Variants in CADM1 observed in about 807,000 individuals in gnomAD.
The protein encoded by CADM1 is cell adhesion molecule 1.
CADM1 carries 15 observed loss-of-function variants against 53.1 expected under a neutral mutation model. That is an observed-to-expected ratio of 0.28 (90% confidence interval 0.19 to 0.44). The LOEUF (loss-of-function observed/expected upper bound fraction) is 0.44. Among genes scored for constraint, CADM1 ranks in the 20% least tolerant of loss-of-function variants. The probability of loss-of-function intolerance (pLI) is 1.00; values close to 1 mark genes in which losing one functional copy is unlikely to be tolerated. For missense variants in CADM1, 434 were observed against 611.3 expected (o/e 0.71, Z 3.06); for synonymous variants, 281 against 243.0 (o/e 1.16, Z -1.45).
intron 1 of CADM1, among the ~76,000 whole-genome samples, chr11:115,284,459 G>A (rs1806423506): frequency 1.3e-5 from 2 of 150,956 alleles, no homozygotes; most frequent in South Asian, 4.2e-4. Context: ...CAGTTTCACT[G>A]CTCTACTTTA....
At chr11:115,501,047 T>G (rs2135446543) in intron 1 of CADM1, among the ~76,000 whole-genome samples, 1 of 152,356 alleles carries the variant, frequency 6.6e-6, no homozygotes, top group East Asian at 1.9e-4. Flanking sequence ...GAGAACTGCC[T>G]GCTCTTTTAT....
intron 1 of CADM1, among the ~76,000 whole-genome samples, chr11:115,457,302 C>G (rs961811356): frequency 6.6e-6 from 1 of 152,084 alleles, no homozygotes; most frequent in African/African-American, 2.4e-5. Context: ...CTCGATAAGT[C>G]GAATCTGGTA....
intron 1 of CADM1, among the ~76,000 whole-genome samples, chr11:115,441,411 T>C: frequency 6.6e-6 from 1 of 152,220 alleles, no homozygotes. Context: ...ACCAGAATGC[T>C]GTTTCACCTC....
At chr11:115,444,542 T>C (rs1948405299) in intron 1 of CADM1, among the ~76,000 whole-genome samples, 1 of 151,778 alleles carries the variant, frequency 6.6e-6, no homozygotes, top group Non-Finnish European at 1.5e-5. Flanking sequence ...AAAATAATGT[T>C]GTTACTAAAC....
chr11:115,466,645 A>T (rs1298668582), intron 1 of CADM1, among the ~76,000 whole-genome samples: 1 of 152,202 alleles, frequency 6.6e-6, no homozygotes, highest in African/African-American at 2.4e-5. Context: ...TGTGAGATCA[A>T]ATTTGGACGA....
At chr11:115,243,175 C>G (rs1199415044) in intron 1 of CADM1, among the ~76,000 whole-genome samples, 1 of 152,218 alleles carries the variant, frequency 6.6e-6, no homozygotes, top group African/African-American at 2.4e-5. Flanking sequence ...ATTTTTCCAT[C>G]TGCAAATGTT....
chr11:115,440,287 AC>A (rs1948280396), intron 1 of CADM1, among the ~76,000 whole-genome samples: 1 of 152,152 alleles, frequency 6.6e-6, no homozygotes, highest in African/African-American at 2.4e-5. Flanking sequence ...CTTACTTACC[AC>A]ACGTGATAAA....
At chr11:115,274,513 T>C (rs900798734) in intron 1 of CADM1, among the ~76,000 whole-genome samples, 15 of 152,226 alleles carry the variant, frequency 9.9e-5, no homozygotes, top group African/African-American at 3.4e-4. Context: ...ATCTTGACAA[T>C]GGTCCAGGGT....
In CADM1 at chr11:115,242,005, A is replaced by G. The variant is rs192061581; in HGVS notation, c.125-1585T>C. Among the ~76,000 whole-genome samples the G allele has an allele frequency of 2.5e-4, 37 of 150,630 alleles. No individual in the cohort carries two copies. In the East Asian group the frequency reaches 5.8e-3, roughly 24 times the overall value. On this transcript the variant is annotated intron_variant, in intron 1 of 11. Transcript: ENST00000331581. ...TTTTCCTTTGCTAGGACACACTGGG[A>G]AAGTGTGAGAGGGGTGGCTAAGATG...
At chr11:115,336,903 G>A (rs1184068483) in intron 1 of CADM1, among the ~76,000 whole-genome samples, 1 of 152,102 alleles carries the variant, frequency 6.6e-6, no homozygotes, top group Non-Finnish European at 1.5e-5. Context: ...ATTAGTAACC[G>A]TTAAGTAAGT....
rs1414114895 is a variant in CADM1 at position 115,176,297 on chromosome 11, T to C, written c.*177A>G. The stretch of plus-strand genomic sequence containing the variant: ...AAAAGAGGTGTCAAACAGCAGAGTG[T>C]ACTTTCCAAAGAACATTTTTTTTTT... On this transcript the variant is annotated 3_prime_UTR_variant, in exon 12 of 12. Transcript: ENST00000331581. The C allele has an allele frequency of 3.0e-5, 44 of 1,463,776 alleles. No homozygotes were observed. The highest frequency in any genetic ancestry group is 3.8e-5 in the Non-Finnish European group (42 of 1,106,120). 90.7% of individuals were successfully genotyped at this position (1,463,776 alleles called of 1,614,324 possible).
intron 8 of CADM1, among the ~76,000 whole-genome samples, chr11:115,203,288 T>C (rs905320555): frequency 6.6e-6 from 1 of 152,172 alleles, no homozygotes; most frequent in Admixed American, 6.5e-5. Context: ...GTGGTTTCAT[T>C]TAACAAGAAA....
At chr11:115,360,311 T>A (rs1337780925) in intron 1 of CADM1, among the ~76,000 whole-genome samples, 1 of 152,176 alleles carries the variant, frequency 6.6e-6, no homozygotes, top group Non-Finnish European at 1.5e-5. Flanking sequence ...TGAAATTAAA[T>A]TATATTGCTG....
intron 1 of CADM1, among the ~76,000 whole-genome samples, chr11:115,452,484 G>A (rs190591017): frequency 1.3e-5 from 2 of 152,310 alleles, no homozygotes; most frequent in East Asian, 3.9e-4. Context: ...ATTAAAAGTT[G>A]TCATTTAATA....
chr11:115,441,860 C>T (rs1948320295), intron 1 of CADM1, among the ~76,000 whole-genome samples: 1 of 151,910 alleles, frequency 6.6e-6, no homozygotes. Context: ...ATAGGAAAAA[C>T]AAACAAGCAA....
At chr11:115,490,069 A>G (rs1409291874) in intron 1 of CADM1, among the ~76,000 whole-genome samples, 1 of 152,218 alleles carries the variant, frequency 6.6e-6, no homozygotes, top group Non-Finnish European at 1.5e-5. Flanking sequence ...GGTGCCAAGA[A>G]AAACATTTAA....
intron 1 of CADM1, among the ~76,000 whole-genome samples, chr11:115,247,563 T>C (rs906609595): frequency 6.6e-6 from 1 of 152,196 alleles, no homozygotes; most frequent in Admixed American, 6.5e-5. Flanking sequence ...AAAGATGGAA[T>C]TTCACCTTTA....
At chr11:115,222,829 G>A (rs1481625254) in intron 5 of CADM1, among the ~76,000 whole-genome samples, 1 of 152,138 alleles carries the variant, frequency 6.6e-6, no homozygotes, top group East Asian at 1.9e-4. Flanking sequence ...TTTTAAATGG[G>A]GGTACATACT....
At chr11:115,301,836 A>G (rs187687501) in intron 1 of CADM1, among the ~76,000 whole-genome samples, 9 of 152,126 alleles carry the variant, frequency 5.9e-5, no homozygotes, top group African/African-American at 2.2e-4. Context: ...ATTAAATAGC[A>G]ATGCACTCAA....
Sources: allele counts gnomAD v4.1 joint callset (sites outside exome capture counted in the v4.1 genomes callset), GRCh38; gene constraint gnomAD v4.1.1; transcripts MANE v1.5; gene names NCBI Gene and HGNC (gene_info 2026-07-23, HGNC 2026-07-21).